The following RBPMS variants were observed in gnomAD, a reference collection of about 807,000 sequenced individuals.
RBPMS encodes the protein RNA binding protein, mRNA processing factor, also known as RNA-binding protein with multiple splicing.
Under a neutral mutation model 26.8 loss-of-function variants are expected in RBPMS, and 7 were observed. That is an observed-to-expected ratio of 0.26 (90% CI 0.15 to 0.49). The LOEUF (loss-of-function observed/expected upper bound fraction) is 0.49, where lower values mean the gene tolerates loss of function less well. RBPMS is among the 20% of genes least tolerant of loss of function. The pLI, the probability that RBPMS is intolerant of heterozygous loss-of-function variation, is 0.98. For missense variants in RBPMS, 186 were observed against 250.0 expected (o/e 0.74, Z 1.73); for synonymous variants, 96 against 93.3 (o/e 1.03, Z -0.17).
rs539674763 is a variant in RBPMS at position 30,539,562 on chromosome 8, G to A, written c.398-4932G>A. 1.3e-3 allele frequency among the ~76,000 whole-genome samples: 202 copies of A among 149,784 alleles called. 2 individuals carry two copies. The highest frequency in any genetic ancestry group is 0.012 in the South Asian group (58 of 4,666). On this transcript the variant is annotated intron_variant, in intron 5 of 8. Coordinates refer to ENST00000397323, the MANE Select transcript of RBPMS (RefSeq NM_001008710.3). ...AGGCAGGATGGAAGTATATTTTTTC[G>A]TCATTCATTTTCTCAAGTATAAAGC...
At chr8:30,527,513 C>T (rs1823719034) in intron 5 of RBPMS, among the ~76,000 whole-genome samples, 1 of 152,210 alleles carries the variant, frequency 6.6e-6, no homozygotes, top group Non-Finnish European at 1.5e-5. Context: ...ACATTTGTAA[C>T]TACCATCTCG....
intron 1 of RBPMS, among the ~76,000 whole-genome samples, chr8:30,472,049 A>C (rs1817167977): frequency 2.0e-5 from 3 of 152,200 alleles, no homozygotes; most frequent in Admixed American, 6.5e-5. Context: ...TAGGCATTCC[A>C]CTTCTAGGTG....
chr8:30,464,011 C>G (rs1220272797), intron 1 of RBPMS, among the ~76,000 whole-genome samples: 2 of 152,262 alleles, frequency 1.3e-5, no homozygotes, highest in African/African-American at 2.4e-5. Flanking sequence ...AAAAATTAGC[C>G]AGGCCCGCTG....
intron 1 of RBPMS, chr8:30,453,832 T>C (rs971016126): frequency 6.6e-6 from 1 of 152,212 alleles, no homozygotes; most frequent in Admixed American, 6.5e-5. Flanking sequence ...GTTATTTGTA[T>C]GTTTTTTTAA....
intron 1 of RBPMS, among the ~76,000 whole-genome samples, chr8:30,449,104 A>G (rs1455429865): frequency 1.3e-5 from 2 of 152,290 alleles, no homozygotes; most frequent in East Asian, 3.9e-4. Context: ...CTAATTGCAC[A>G]TTGTCAGGCT....
intron 5 of RBPMS, among the ~76,000 whole-genome samples, chr8:30,532,108 A>G (rs1824285496): frequency 1.3e-5 from 2 of 152,252 alleles, no homozygotes; most frequent in African/African-American, 4.8e-5. Flanking sequence ...ATGAACACCA[A>G]TATAATTAAC....
chr8:30,563,452 G>A (rs1827656385), intron 7 of RBPMS, among the ~76,000 whole-genome samples: 1 of 152,222 alleles, frequency 6.6e-6, no homozygotes, highest in Non-Finnish European at 1.5e-5. Flanking sequence ...TATTCAAAGA[G>A]TTGAACTGTT....
At chr8:30,511,535 G>C (rs868118430) in intron 5 of RBPMS, among the ~76,000 whole-genome samples, 1 of 118,190 alleles carries the variant, frequency 8.5e-6, no homozygotes, top group African/African-American at 3.4e-5. Context: ...ATTTCTGTGT[G>C]TGTGTGTGTG....
chr8:30,536,965 G>A (rs747654664), intron 5 of RBPMS, among the ~76,000 whole-genome samples: 9 of 152,148 alleles, frequency 5.9e-5, no homozygotes, highest in Non-Finnish European at 1.2e-4. Flanking sequence ...ATCCAGGCTC[G>A]CAGAGAGGCT....
rs1231622928 is a variant in RBPMS at position 30,511,480 on chromosome 8, AAAAAAAATATATATATATATATATAT to A, written c.397+7046_397+7071del. Among the ~76,000 whole-genome samples, 96 of 16,528 alleles carry A rather than the reference AAAAAAAATATATATATATATATATAT, an allele frequency of 5.8e-3. 3 individuals carry two copies. Among genetic ancestry groups the A allele is most frequent in the Middle Eastern group, 0.023 (1 of 44 alleles). 10.8% of individuals were successfully genotyped at this position (16,528 alleles called of 152,430 possible). On this transcript the variant is annotated intron_variant, in intron 5 of 8. Transcript: ENST00000397323. Reference sequence around the variant, plus strand: ...CTTTAAAACAAAAAAAGAAAAAAAAAAAAAAAATATATATATATATATATATATATATATATATATATATATTTCTG... The same window carrying A: ...CTTTAAAACAAAAAAAGAAAAAAAAAATATATATATATATATATATTTCTG...
chr8:30,557,786 A>G (rs796574697), intron 6 of RBPMS, among the ~76,000 whole-genome samples: 3 of 152,360 alleles, frequency 2.0e-5, no homozygotes, highest in Non-Finnish European at 2.9e-5. Context: ...GGAGGCGGGC[A>G]TCTCTTGCCT....
intron 2 of RBPMS, among the ~76,000 whole-genome samples, chr8:30,477,547 A>G (rs1414683636): frequency 6.6e-6 from 1 of 152,114 alleles, no homozygotes; most frequent in Non-Finnish European, 1.5e-5. Flanking sequence ...GTGTAATTTC[A>G]TGAAAAAAAA....
chr8:30,556,726 AG>A (rs1361060374), intron 6 of RBPMS: 1 of 985,914 alleles, frequency 1.0e-6, no homozygotes, highest in East Asian at 1.1e-4. Context: ...TGTCTCAGGA[AG>A]GCAGCTCCAA....
chr8:30,511,486 A>AATATATATATATATAT (rs869100800), intron 5 of RBPMS, among the ~76,000 whole-genome samples: 3 of 23,536 alleles, frequency 1.3e-4, no homozygotes, highest in African/African-American at 5.0e-4. Context: ...AAAAAAAAAA[A>AATATATATATATATAT]ATATATATAT....
At position 30,485,618 on chromosome 8, in the gene RBPMS, G is replaced by A. The variant is rs28595748; in HGVS notation, c.246+6241G>A. On this transcript the variant is annotated intron_variant, in intron 4 of 8. Transcript: ENST00000397323. ...CAGTATAAAGCCGCTGTGATGTGGGGCCATTGGGCCCTTCTGTTTTTCTCA... is the reference window on the plus strand; with the variant it reads ...CAGTATAAAGCCGCTGTGATGTGGGACCATTGGGCCCTTCTGTTTTTCTCA... Among the ~76,000 whole-genome samples the A allele has an allele frequency of 2.6e-5, 4 of 152,138 alleles. No individual in the cohort carries two copies. In the East Asian group the frequency reaches 7.7e-4, roughly 29 times the overall value.
At chr8:30,422,185 G>A (rs1033579141) in intron 1 of RBPMS, among the ~76,000 whole-genome samples, 4 of 151,330 alleles carry the variant, frequency 2.6e-5, no homozygotes, top group Admixed American at 6.6e-5. Flanking sequence ...GAGTGCAGTG[G>A]TGCGATCTTG....
rs34541775 is a variant in RBPMS, at chr8:30,502,139, C to CTTTT, written c.247-2133_247-2130dup. Among the ~76,000 whole-genome samples, 8 of 132,074 alleles carry CTTTT rather than the reference C, an allele frequency of 6.1e-5. 1 individual carries two copies. Among genetic ancestry groups the CTTTT allele is most frequent in the African/African-American group, 2.3e-4 (8 of 34,892 alleles). 86.6% of individuals were successfully genotyped at this position (132,074 alleles called of 152,430 possible). A position where few individuals can be genotyped will look rare whatever the true frequency, so the allele number is the denominator to read the frequency against. ...AAATTAGGTCATTTTAACTTCTGAG[C>CTTTT]TTTTTTTTTTTTTTTTTAAATAAGG... On this transcript the variant is annotated intron_variant, in intron 4 of 8. Transcript: ENST00000397323.
intron 1 of RBPMS, among the ~76,000 whole-genome samples, chr8:30,473,003 A>C (rs1366730135): frequency 6.6e-6 from 1 of 152,190 alleles, no homozygotes; most frequent in African/African-American, 2.4e-5. Flanking sequence ...GTATATATTC[A>C]TGGTTAACAA....
At chr8:30,483,577 A>G (rs577917701) in intron 4 of RBPMS, among the ~76,000 whole-genome samples, 8 of 152,248 alleles carry the variant, frequency 5.3e-5, no homozygotes, top group Admixed American at 3.3e-4. Context: ...GGCTTTTGGT[A>G]TATTACATTA....
Sources: gnomAD v4.1 joint callset for allele counts (sites outside exome capture counted in the v4.1 genomes callset) on GRCh38, gnomAD v4.1.1 for gene constraint, MANE v1.5 for transcripts, NCBI Gene and HGNC (gene_info 2026-07-23, HGNC 2026-07-21) for gene names.